Variants in XIRP2 observed in about 807,000 individuals in gnomAD.
The protein encoded by XIRP2 is xin actin-binding repeat-containing protein 2.
XIRP2 carries 236 observed loss-of-function variants against 277.0 expected under a neutral mutation model. The ratio of observed to expected loss-of-function variants is 0.85; its 90% CI spans 0.77 to 0.95. The LOEUF (loss-of-function observed/expected upper bound fraction) is 0.95. Ranked by LOEUF, XIRP2 falls within the 40% of genes least tolerant of loss-of-function variation. XIRP2 has a pLI of 0.00. For missense variants in XIRP2, 4,640 were observed against 4,157.5 expected (o/e 1.12, Z -3.19); for synonymous variants, 1,490 against 1,416.5 (o/e 1.05, Z -1.17).
intron 2 of XIRP2, among the ~76,000 whole-genome samples, chr2:167,034,604 C>T (rs975447949): frequency 6.6e-6 from 1 of 151,860 alleles, no homozygotes; most frequent in African/African-American, 2.4e-5. Context: ...AAATGATATC[C>T]CATGCCAACA....
chr2:166,904,108 A>C (rs964241799), intron 2 of XIRP2, among the ~76,000 whole-genome samples: 1 of 152,120 alleles, frequency 6.6e-6, no homozygotes, highest in Middle Eastern at 3.2e-3. Flanking sequence ...CCATAAAAAC[A>C]ATATTGATAT....
chr2:166,950,334 C>G (rs1216032391), intron 2 of XIRP2, among the ~76,000 whole-genome samples: 1 of 151,968 alleles, frequency 6.6e-6, no homozygotes, highest in African/African-American at 2.4e-5. Context: ...TAATTTGCTT[C>G]CCATTATTAT....
intron 2 of XIRP2, among the ~76,000 whole-genome samples, chr2:167,100,088 A>T (rs1451189788): frequency 6.6e-6 from 1 of 152,038 alleles, no homozygotes; most frequent in Non-Finnish European, 1.5e-5. Context: ...TAACCACTGA[A>T]TTGTAGAATT....
At chr2:167,196,745 G>T (rs1326007222) in intron 3 of XIRP2, among the ~76,000 whole-genome samples, 1 of 151,994 alleles carries the variant, frequency 6.6e-6, no homozygotes, top group Admixed American at 6.6e-5. Flanking sequence ...AAAACCTACT[G>T]AGGTCTTCTT....
chr2:167,197,390 A>G (rs1304373758), intron 3 of XIRP2, among the ~76,000 whole-genome samples: 1 of 152,222 alleles, frequency 6.6e-6, no homozygotes, highest in East Asian at 1.9e-4. Context: ...AGACAAATTC[A>G]TTCAACAAAT....
At chr2:167,034,760 C>T (rs1166728326) in intron 2 of XIRP2, among the ~76,000 whole-genome samples, 1 of 152,102 alleles carries the variant, frequency 6.6e-6, no homozygotes, top group East Asian at 1.9e-4. Flanking sequence ...ATTTACGCAC[C>T]CAATGCTGGA....
chr2:167,225,643 A>T (rs934164091), intron 5 of XIRP2, among the ~76,000 whole-genome samples: 1 of 152,148 alleles, frequency 6.6e-6, no homozygotes, highest in East Asian at 1.9e-4. Flanking sequence ...AGGCTGAGTG[A>T]TCATAGCAGG....
rs1284979123 is a variant in XIRP2 at position 167,246,354 on chromosome 2, A to G, written c.4962A>G (p.Ile1654Met). ...AATTTCATGCTGAAAAAGAAGAGAT[A>G]GTGAAAGGTGATGTACAACAAGCAA... Reference protein sequence around the residue: ...STEFHAEKEEIVKGDVQQAIK... With the variant: ...STEFHAEKEEMVKGDVQQAIK... The change falls in exon 9 of 11, where the codon ATA becomes ATG. Residue 1654 changes from isoleucine to methionine, a missense_variant. Physicochemically the swap from Ile to Met is conservative, Grantham distance 10 (BLOSUM62 1). Coordinates refer to ENST00000409195, the MANE Select transcript of XIRP2 (RefSeq NM_152381.6). 5 of 1,613,074 alleles carry G rather than the reference A, an allele frequency of 3.1e-6. No homozygotes were observed. The highest frequency in any genetic ancestry group is 1.1e-5 in the South Asian group (1 of 90,890).
chr2:166,953,806 C>A (rs1256020855), intron 2 of XIRP2, among the ~76,000 whole-genome samples: 1 of 151,902 alleles, frequency 6.6e-6, no homozygotes, highest in Non-Finnish European at 1.5e-5. Flanking sequence ...GTCTCTCTAA[C>A]ATCTGTCTTC....
intron 2 of XIRP2, chr2:167,124,527 T>C (rs2105307469): frequency 6.6e-6 from 1 of 152,280 alleles, no homozygotes; most frequent in East Asian, 1.9e-4. Context: ...AGTAAGTACC[T>C]GCAATGTTCA....
chr2:167,244,394 T>C lies in XIRP2; in HGVS notation c.3002T>C (p.Val1001Ala), dbSNP rs1321409699. ...GATCCCCTTGGAAAATATCATCAAG[T>C]AAAGACAGTCCAGCAAGAAGAAATC... is the stretch of plus-strand genomic sequence containing the variant. ...IQDPLGKYHQ[V>A]KTVQQEEIVR... The change falls in exon 9 of 11, where the codon GTA (valine) becomes GCA (alanine). Residue 1001 changes from valine (V) to alanine (A), a missense_variant. Val to Ala is a moderately conservative substitution (Grantham distance 64). Coordinates refer to ENST00000409195, the MANE Select transcript of XIRP2 (RefSeq NM_152381.6). 1.2e-6 allele frequency: 2 copies of C among 1,613,500 alleles called. No individual in the cohort carries two copies. The highest frequency in any genetic ancestry group is 1.3e-5 in the African/African-American group (1 of 74,898).
At chr2:167,106,426 G>A (rs570199414) in intron 2 of XIRP2, among the ~76,000 whole-genome samples, 5 of 151,672 alleles carry the variant, frequency 3.3e-5, no homozygotes, top group South Asian at 4.1e-4. Context: ...GTTAAAAGTC[G>A]ATCCCTTCTT....
rs368002388 is a variant in XIRP2, at chr2:167,246,164, C to G, written c.4772C>G (p.Ala1591Gly). The G allele has an allele frequency of 1.2e-5, 20 of 1,612,448 alleles. No individual in the cohort carries two copies. The highest frequency in any genetic ancestry group is 2.5e-6 in the Non-Finnish European group (3 of 1,179,562). The change falls in exon 9 of 11, where the codon GCA (alanine) becomes GGA (glycine). Residue 1591 changes from alanine to glycine, a missense_variant. Coordinates refer to ENST00000409195, the MANE Select transcript of XIRP2 (RefSeq NM_152381.6). ...RMAKYKLMNQ[A>G]SPEIQKEEII... ...GCAAAATACAAGCTAATGAACCAAG[C>G]ATCTCCTGAGATACAGAAAGAAGAA...
chr2:166,960,013 C>A (rs1476779012), intron 2 of XIRP2, among the ~76,000 whole-genome samples: 1 of 151,726 alleles, frequency 6.6e-6, no homozygotes, highest in Non-Finnish European at 1.5e-5. Context: ...TCTTACCCTG[C>A]CAGTTTCTTG....
At position 167,006,055 on chromosome 2, in the gene XIRP2, C is replaced by T. The variant is rs138508149; in HGVS notation, c.408+102165C>T. On this transcript the variant is annotated intron_variant, in intron 2 of 10. Transcript: ENST00000409195. The stretch of plus-strand genomic sequence containing the variant: ...TTACTTTTAGAATGTCAAATTCATG[C>T]GGCTAGGTACTACGTTGATTTTACT... 5.4e-3 allele frequency among the ~76,000 whole-genome samples: 817 copies of T among 151,776 alleles called. 12 individuals are homozygous for T. Among genetic ancestry groups the T allele is most frequent in the South Asian group, 0.037 (179 of 4,808 alleles).
rs1183972052 is a variant in XIRP2, at chr2:166,931,538, T to C, written c.408+27648T>C. ...AGTATATTAAATATATTCTTTTGTG[T>C]CTATTTTTTCACTTAACATATTTTG... On this transcript the variant is annotated intron_variant, in intron 2 of 10. Coordinates refer to ENST00000409195, the MANE Select transcript of XIRP2 (RefSeq NM_152381.6). 4.6e-5 allele frequency among the ~76,000 whole-genome samples: 7 copies of C among 152,198 alleles called. No individual in the cohort carries two copies. The East Asian group carries it at 1.3e-3, about 29-fold the overall frequency.
In XIRP2 at chr2:167,244,977, A is replaced by G; in HGVS notation, c.3585A>G (p.Gly1195=). 6.2e-7 allele frequency: 1 copy of G among 1,613,366 alleles called. No homozygotes were observed. Among genetic ancestry groups the G allele is most frequent in the Non-Finnish European group, 8.5e-7 (1 of 1,179,682 alleles). The change falls in exon 9 of 11, where the codon GGA becomes GGG. Residue 1195 remains glycine, a synonymous_variant. Transcript: ENST00000409195. ...IKPVEMDIQA[G]DVSSMRYKFE... ...CTGTTGAAATGGATATACAAGCTGGAGATGTTTCCAGCATGAGGTATAAAT... is the reference window on the plus strand; with the variant it reads ...CTGTTGAAATGGATATACAAGCTGGGGATGTTTCCAGCATGAGGTATAAAT...
intron 3 of XIRP2, among the ~76,000 whole-genome samples, chr2:167,157,883 C>G (rs906251603): frequency 4.8e-4 from 73 of 151,890 alleles, no homozygotes; most frequent in African/African-American, 1.6e-3. Flanking sequence ...AGCTTGATAA[C>G]TATCTAGTAA....
chr2:167,159,343 G>C (rs914809180), intron 3 of XIRP2, among the ~76,000 whole-genome samples: 3 of 152,144 alleles, frequency 2.0e-5, no homozygotes, highest in African/African-American at 4.8e-5. Flanking sequence ...ACAGAGAGTG[G>C]CTTTCAAGCT....
Sources: gnomAD v4.1 joint callset for allele counts (sites outside exome capture counted in the v4.1 genomes callset) on GRCh38, gnomAD v4.1.1 for gene constraint, MANE v1.5 for transcripts, NCBI Gene and HGNC (gene_info 2026-07-23, HGNC 2026-07-21) for gene names.